CNTNAP5: variants seen among roughly 807,000 people sequenced by gnomAD.
The protein encoded by CNTNAP5 is contactin associated protein family member 5, also known as contactin-associated protein-like 5.
In CNTNAP5, 72 loss-of-function variants were observed where a neutral mutation model predicts 150.2. The ratio of observed to expected loss-of-function variants is 0.48; its 90% CI spans 0.40 to 0.58. The LOEUF is 0.58. Ranked by LOEUF, CNTNAP5 falls within the 20% of genes least tolerant of loss-of-function variation. The pLI is 0.00. For missense variants in CNTNAP5, 1,636 were observed against 1,626.2 expected, an observed-to-expected ratio of 1.01 and a Z score of -0.10; for synonymous variants, 672 against 619.8, an observed-to-expected ratio of 1.08 and a Z score of -1.25.
intron 1 of CNTNAP5, among the ~76,000 whole-genome samples, chr2:124,167,814 C>T (rs1248316634): frequency 1.3e-5 from 2 of 152,056 alleles, no homozygotes; most frequent in East Asian, 3.9e-4. Flanking sequence ...TTCTTCATGC[C>T]TGAAATCTGT....
At chr2:124,197,246 C>G (rs536893389) in intron 1 of CNTNAP5, among the ~76,000 whole-genome samples, 12 of 152,236 alleles carry the variant, frequency 7.9e-5, no homozygotes, top group African/African-American at 2.9e-4. Flanking sequence ...CTTTGCAGAT[C>G]GCATATCCTG....
chr2:124,192,944 GTT>G (rs1193199896), intron 1 of CNTNAP5, among the ~76,000 whole-genome samples: 1 of 152,142 alleles, frequency 6.6e-6, no homozygotes, highest in African/African-American at 2.4e-5. Flanking sequence ...AAATGAAGGA[GTT>G]TCTACTTCCT....
intron 1 of CNTNAP5, among the ~76,000 whole-genome samples, chr2:124,126,608 A>T (rs574930023): frequency 6.7e-6 from 1 of 150,008 alleles, no homozygotes; most frequent in Non-Finnish European, 1.5e-5. Flanking sequence ...CACAACAAAA[A>T]AAGAGAATTT....
At chr2:124,740,976 A>C (rs977245461) in intron 13 of CNTNAP5, among the ~76,000 whole-genome samples, 1 of 152,144 alleles carries the variant, frequency 6.6e-6, no homozygotes, top group Non-Finnish European at 1.5e-5. Flanking sequence ...CACAAGTAGC[A>C]AGGCCAAGCC....
chr2:124,338,427 G>A (rs1689530222), intron 3 of CNTNAP5, among the ~76,000 whole-genome samples: 1 of 152,108 alleles, frequency 6.6e-6, no homozygotes, highest in South Asian at 2.1e-4. Flanking sequence ...GTGAGAGAGG[G>A]CATCCCTGTC....
chr2:124,512,930 T>G (rs1694626444), intron 8 of CNTNAP5, among the ~76,000 whole-genome samples: 2 of 152,222 alleles, frequency 1.3e-5, no homozygotes, highest in Non-Finnish European at 2.9e-5. Flanking sequence ...ATCCTGTAGC[T>G]ATGGTCAACA....
intron 6 of CNTNAP5, among the ~76,000 whole-genome samples, chr2:124,460,664 A>G (rs1393193430): frequency 1.3e-5 from 2 of 152,186 alleles, no homozygotes; most frequent in Non-Finnish European, 2.9e-5. Flanking sequence ...TATAAATGAT[A>G]TTAATCTGCA....
chr2:124,270,262 T>C (rs1395172353), intron 3 of CNTNAP5, among the ~76,000 whole-genome samples: 1 of 151,898 alleles, frequency 6.6e-6, no homozygotes, highest in Non-Finnish European at 1.5e-5. Flanking sequence ...GGAGCCGAGA[T>C]TGCACCACTA....
At chr2:124,822,663 A>G (rs1682515294) in intron 19 of CNTNAP5, among the ~76,000 whole-genome samples, 1 of 152,222 alleles carries the variant, frequency 6.6e-6, no homozygotes, top group Non-Finnish European at 1.5e-5. Context: ...TAATGATTCT[A>G]GGCAAACTCT....
intron 3 of CNTNAP5, among the ~76,000 whole-genome samples, chr2:124,281,846 C>A (rs374122969): frequency 6.6e-6 from 1 of 152,142 alleles, no homozygotes; most frequent in East Asian, 1.9e-4. Context: ...AGGCTCAGGC[C>A]GAACAGCAAT....
At chr2:124,480,412 T>A (rs140968295) in intron 7 of CNTNAP5, among the ~76,000 whole-genome samples, 1 of 152,330 alleles carries the variant, frequency 6.6e-6, no homozygotes, top group East Asian at 1.9e-4. Flanking sequence ...GGAGCATGGT[T>A]GATTATTTCT....
intron 7 of CNTNAP5, among the ~76,000 whole-genome samples, chr2:124,500,736 A>G (rs1694259020): frequency 1.3e-5 from 2 of 150,462 alleles, no homozygotes; most frequent in South Asian, 2.2e-4. Flanking sequence ...GCAAATGTCT[A>G]CTCCATCTTT....
At chr2:124,537,349 G>C (rs1695262794) in intron 10 of CNTNAP5, among the ~76,000 whole-genome samples, 1 of 152,112 alleles carries the variant, frequency 6.6e-6, no homozygotes, top group African/African-American at 2.4e-5. Flanking sequence ...AATCACAAAG[G>C]TGGTTGTATT....
At position 124,667,745 on chromosome 2, in the gene CNTNAP5, C is replaced by T. The variant is rs80247276; in HGVS notation, c.2077+19787C>T. ...CCATTTTCCTGTCTATTCTCTCTCTCTTATTTTTTCTTCCTGCACCACTTA... is the reference window on the plus strand; with the variant it reads ...CCATTTTCCTGTCTATTCTCTCTCTTTTATTTTTTCTTCCTGCACCACTTA... On this transcript the variant is annotated intron_variant, in intron 13 of 23. Transcript: ENST00000682447. 8.8e-3 allele frequency among the ~76,000 whole-genome samples: 1,334 copies of T among 152,356 alleles called. 21 individuals are homozygous for T. The highest frequency in any genetic ancestry group is 0.029 in the African/African-American group (1,223 of 41,584).
chr2:124,126,226 A>C (rs1271871161), intron 1 of CNTNAP5, among the ~76,000 whole-genome samples: 3 of 152,230 alleles, frequency 2.0e-5, no homozygotes, highest in Non-Finnish European at 2.9e-5. Context: ...AAAAATGATA[A>C]AGGGGATATC....
chr2:124,038,090 G>A (rs1436757398), intron 1 of CNTNAP5, among the ~76,000 whole-genome samples: 1 of 152,150 alleles, frequency 6.6e-6, no homozygotes, highest in South Asian at 2.1e-4. Flanking sequence ...TAGACAGAAG[G>A]TTAGGTTTGA....
intron 19 of CNTNAP5, among the ~76,000 whole-genome samples, chr2:124,847,986 A>G (rs976258362): frequency 6.6e-6 from 1 of 152,180 alleles, no homozygotes; most frequent in Non-Finnish European, 1.5e-5. Flanking sequence ...ATATCATTGC[A>G]TTTAAAAAAA....
At chr2:124,738,779 G>T (rs1234140755) in intron 13 of CNTNAP5, among the ~76,000 whole-genome samples, 2 of 151,924 alleles carry the variant, frequency 1.3e-5, no homozygotes, top group Non-Finnish European at 2.9e-5. Flanking sequence ...CAAGGTCTGG[G>T]AGTCTTTGTG....
At chr2:124,735,197 A>C (rs1261170484) in intron 13 of CNTNAP5, among the ~76,000 whole-genome samples, 1 of 152,190 alleles carries the variant, frequency 6.6e-6, no homozygotes, top group Admixed American at 6.5e-5. Context: ...ACAAACAAAC[A>C]AACAAATAAA....
Sources: allele counts gnomAD v4.1 joint callset (sites outside exome capture counted in the v4.1 genomes callset), GRCh38; gene constraint gnomAD v4.1.1; transcripts MANE v1.5; gene names NCBI Gene and HGNC (gene_info 2026-07-23, HGNC 2026-07-21).